AGBL4: variants seen among roughly 807,000 people sequenced by gnomAD.
The protein encoded by AGBL4 is AGBL carboxypeptidase 4.
AGBL4 carries 58 observed loss-of-function variants against 66.4 expected under a neutral mutation model. The ratio of observed to expected loss-of-function variants is 0.87; its 90% CI spans 0.71 to 1.09. The LOEUF is 1.09. AGBL4 is among the 50% of genes least tolerant of loss of function. The pLI is 0.00. For synonymous variants in AGBL4, 234 were observed against 222.9 expected (o/e 1.05, Z -0.44); for missense variants, 579 against 631.0 (o/e 0.92, Z 0.88).
At chr1:48,685,061 G>C (rs551266873) in intron 6 of AGBL4, among the ~76,000 whole-genome samples, 1 of 151,714 alleles carries the variant, frequency 6.6e-6, no homozygotes, top group Non-Finnish European at 1.5e-5. Flanking sequence ...CTGAGGCAGA[G>C]ACATGGTGCA....
intron 4 of AGBL4, among the ~76,000 whole-genome samples, chr1:49,060,456 A>C (rs1378446999): frequency 6.6e-6 from 1 of 152,164 alleles, no homozygotes; most frequent in East Asian, 1.9e-4. Flanking sequence ...ACTAATACAC[A>C]GCCTCATGAG....
chr1:49,239,956 GA>G (rs1205860959), intron 4 of AGBL4, among the ~76,000 whole-genome samples: 1 of 151,848 alleles, frequency 6.6e-6, no homozygotes, highest in Non-Finnish European at 1.5e-5. Context: ...TTAAATGTAT[GA>G]CTTTTTTTAG....
chr1:49,652,143 A>C (rs1341274008), intron 3 of AGBL4, among the ~76,000 whole-genome samples: 1 of 152,198 alleles, frequency 6.6e-6, no homozygotes, highest in Non-Finnish European at 1.5e-5. Context: ...TCAGTCAAAA[A>C]CAAAGCAAAA....
intron 2 of AGBL4, among the ~76,000 whole-genome samples, chr1:49,740,698 G>A (rs972652295): frequency 1.3e-5 from 2 of 152,076 alleles, no homozygotes; most frequent in Admixed American, 6.6e-5. Context: ...ATAACAAACT[G>A]TCTCTCAGAC....
intron 3 of AGBL4, among the ~76,000 whole-genome samples, chr1:49,464,395 A>G (rs1181579429): frequency 6.6e-6 from 1 of 151,816 alleles, no homozygotes; most frequent in Non-Finnish European, 1.5e-5. Context: ...AGAAGTTACA[A>G]GATGAGGGTA....
intron 3 of AGBL4, among the ~76,000 whole-genome samples, chr1:49,280,073 T>A (rs966669706): frequency 6.6e-6 from 1 of 152,158 alleles, no homozygotes; most frequent in Non-Finnish European, 1.5e-5. Flanking sequence ...TTTCAGGATT[T>A]TTTTGCATGT....
At chr1:48,824,283 T>A (rs74898197) in intron 6 of AGBL4, among the ~76,000 whole-genome samples, 56 of 152,154 alleles carry the variant, frequency 3.7e-4, no homozygotes, top group African/African-American at 1.3e-3. Flanking sequence ...ATGGGGGTCA[T>A]GTGAGCATGG....
At chr1:49,379,794 AGG>A (rs1644555826) in intron 3 of AGBL4, among the ~76,000 whole-genome samples, 1 of 152,040 alleles carries the variant, frequency 6.6e-6, no homozygotes, top group Non-Finnish European at 1.5e-5. Flanking sequence ...TATTTTATTG[AGG>A]ATTTTTGCAT....
intron 3 of AGBL4, 162 bp downstream of exon 3, chr1:49,697,151 T>G (rs901699565): frequency 3.0e-6 from 2 of 677,784 alleles, no homozygotes; most frequent in Admixed American, 6.3e-5. Context: ...AGTCAACATA[T>G]TGTATCTATT....
At chr1:49,038,605 T>G (rs143477673) in intron 5 of AGBL4, among the ~76,000 whole-genome samples, 1 of 152,220 alleles carries the variant, frequency 6.6e-6, no homozygotes, top group African/African-American at 2.4e-5. Flanking sequence ...GAAGATGCTT[T>G]ACATCATATG....
chr1:48,644,228 C>G (rs1645801009), intron 8 of AGBL4, among the ~76,000 whole-genome samples: 1 of 152,112 alleles, frequency 6.6e-6, no homozygotes, highest in East Asian at 1.9e-4. Context: ...TATAATTATT[C>G]CTTTGGTTTG....
At chr1:49,548,918 T>A (rs1440615414) in intron 3 of AGBL4, among the ~76,000 whole-genome samples, 2 of 152,144 alleles carry the variant, frequency 1.3e-5, no homozygotes, top group Non-Finnish European at 2.9e-5. Flanking sequence ...GGACTTTTTT[T>A]GTTAGTAATT....
chr1:48,730,433 G>T (rs1444332989), intron 6 of AGBL4, among the ~76,000 whole-genome samples: 3 of 152,170 alleles, frequency 2.0e-5, no homozygotes, highest in Admixed American at 6.5e-5. Context: ...GAGAATCTAA[G>T]AAGATTCCCC....
At chr1:49,103,317 TTCCAGAGAGG>T (rs1292715955) in intron 4 of AGBL4, among the ~76,000 whole-genome samples, 1 of 152,144 alleles carries the variant, frequency 6.6e-6, no homozygotes, top group Non-Finnish European at 1.5e-5. Flanking sequence ...CTGCGAACAT[TTCCAGAGAGG>T]TCAGAGGGTC....
chr1:49,661,145 C>A (rs1183322397), intron 3 of AGBL4, among the ~76,000 whole-genome samples: 3 of 152,076 alleles, frequency 2.0e-5, no homozygotes, highest in East Asian at 3.9e-4. Context: ...ATTGACACTT[C>A]ACCAAGAAAG....
At chr1:49,575,533 G>A (rs775197156) in intron 3 of AGBL4, among the ~76,000 whole-genome samples, 4 of 152,206 alleles carry the variant, frequency 2.6e-5, no homozygotes, top group Non-Finnish European at 4.4e-5. Context: ...CTTGAAAGAT[G>A]CAGGTGTGGT....
At chr1:49,572,720 G>A (rs1386539567) in intron 3 of AGBL4, among the ~76,000 whole-genome samples, 1 of 152,046 alleles carries the variant, frequency 6.6e-6, no homozygotes, top group Admixed American at 6.6e-5. Context: ...TTCTTATTGT[G>A]TTCTTTGAAT....
At chr1:48,672,733 G>A (rs1007304023) in intron 6 of AGBL4, among the ~76,000 whole-genome samples, 1 of 152,170 alleles carries the variant, frequency 6.6e-6, no homozygotes, top group African/African-American at 2.4e-5. Context: ...GAAATGTGTG[G>A]TCAGATTGCA....
chr1:49,807,363 C>T (rs1465122974), intron 2 of AGBL4, among the ~76,000 whole-genome samples: 8 of 151,920 alleles, frequency 5.3e-5, no homozygotes. Context: ...AGCCTCAAGT[C>T]AAATAAGATG....
Sources: gnomAD v4.1 joint callset for allele counts (sites outside exome capture counted in the v4.1 genomes callset) on GRCh38, gnomAD v4.1.1 for gene constraint, MANE v1.5 for transcripts, NCBI Gene and HGNC (gene_info 2026-07-23, HGNC 2026-07-21) for gene names.